Variants in CEP152 observed in about 807,000 individuals in gnomAD.
CEP152 encodes centrosomal protein of 152 kDa.
In CEP152, 132 loss-of-function variants were observed where a neutral mutation model predicts 188.9. The ratio of observed to expected loss-of-function variants is 0.70; its 90% CI spans 0.61 to 0.81. The LOEUF (loss-of-function observed/expected upper bound fraction) is 0.81. Among genes scored for constraint, CEP152 ranks in the 30% least tolerant of loss-of-function variants. The probability of loss-of-function intolerance (pLI) is 0.00; values close to 1 mark genes in which losing one functional copy is unlikely to be tolerated. For synonymous variants in CEP152, 649 were observed against 666.6 expected, an observed-to-expected ratio of 0.97 and a Z score of 0.41; for missense variants, 1,914 against 1,969.8, an observed-to-expected ratio of 0.97 and a Z score of 0.54.
chr15:48,749,486 T>G (rs1435110370), intron 21 of CEP152, among the ~76,000 whole-genome samples: 1 of 151,716 alleles, frequency 6.6e-6, no homozygotes, highest in Non-Finnish European at 1.5e-5. Context: ...AAAAAAACAG[T>G]AATTATATAG....
chr15:48,765,542 G>A, intron 17 of CEP152: 1 of 404,990 alleles, frequency 2.5e-6, no homozygotes, highest in South Asian at 1.8e-5. Flanking sequence ...CATTATATGA[G>A]ATCATATTTT....
intron 1 of CEP152, chr15:48,810,392 C>G (rs1898251932): frequency 6.6e-6 from 1 of 152,258 alleles, no homozygotes; most frequent in Non-Finnish European, 1.5e-5. Flanking sequence ...GACATATAAA[C>G]AAATGATCAC....
At chr15:48,769,900 T>C (rs1197031234) in intron 13 of CEP152, among the ~76,000 whole-genome samples, 1 of 152,228 alleles carries the variant, frequency 6.6e-6, no homozygotes, top group Non-Finnish European at 1.5e-5. Flanking sequence ...CCCATCTCTC[T>C]TTGCCTCCAA....
At chr15:48,797,764 T>C (rs1897401638) in intron 3 of CEP152, 34 bp from the exon 4 acceptor site, 1 of 1,606,702 alleles carries the variant, frequency 6.2e-7, no homozygotes. Context: ...ATTTAAAGCG[T>C]ATCATTTATT....
chr15:48,793,177 G>C (rs1410513797), intron 7 of CEP152, 144 bp downstream of exon 7: 24 of 882,028 alleles, frequency 2.7e-5, no homozygotes, highest in Non-Finnish European at 4.0e-5. Flanking sequence ...CAGAAATCCT[G>C]GGTTTTGTTT....
chr15:48,737,503 G>A (rs1359195051), downstream of CEP152, among the ~76,000 whole-genome samples: 4 of 152,024 alleles, frequency 2.6e-5, no homozygotes, highest in East Asian at 1.9e-4. Context: ...AAATCTAATC[G>A]TTTTACATTT....
intron 6 of CEP152, 70 bp from the exon 7 acceptor site, chr15:48,793,531 G>T (rs950514125): frequency 1.1e-5 from 16 of 1,416,816 alleles, no homozygotes; most frequent in South Asian, 3.6e-5. Flanking sequence ...TTAAAGCAGT[G>T]TTTTTCAAAC....
chr15:48,781,879 C>T (rs921058550), intron 11 of CEP152, among the ~76,000 whole-genome samples: 1 of 152,114 alleles, frequency 6.6e-6, no homozygotes, highest in East Asian at 1.9e-4. Context: ...CTCTGGGATA[C>T]ACCCAAAGAT....
chr15:48,786,984 C>T (rs1896680981), intron 9 of CEP152, among the ~76,000 whole-genome samples: 1 of 152,022 alleles, frequency 6.6e-6, no homozygotes, highest in Admixed American at 6.5e-5. Context: ...CACCAGGATC[C>T]ACTCTTCTCC....
rs114031523 is a variant in CEP152 at position 48,791,830 on chromosome 15, T to G, written c.833-454A>C. On this transcript the variant is annotated intron_variant, in intron 7 of 26. Transcript: ENST00000380950. ...CCTCACCCAGCCCCAAATAAATAAA[T>G]TATTAAAAATTAAAAATTAAAAAAA... is the stretch of plus-strand genomic sequence containing the variant. Among the ~76,000 whole-genome samples, 757 of 151,316 alleles carry G rather than the reference T, an allele frequency of 5.0e-3. 13 individuals carry two copies. Among genetic ancestry groups the G allele is most frequent in the African/African-American group, 0.018 (728 of 41,268 alleles).
chr15:48,789,843 C>G (rs1896895651), intron 8 of CEP152, among the ~76,000 whole-genome samples: 1 of 152,168 alleles, frequency 6.6e-6, no homozygotes, highest in African/African-American at 2.4e-5. Context: ...TTGTTGACAC[C>G]CTGATTTTAG....
chr15:48,793,158 G>A (rs1897092014), intron 7 of CEP152, among the ~76,000 whole-genome samples, 163 bp downstream of exon 7: 1 of 152,078 alleles, frequency 6.6e-6, no homozygotes, highest in Admixed American at 6.6e-5. Flanking sequence ...GTAATCCAAG[G>A]CCAACACTCA....
At chr15:48,771,632 T>C (rs1396220118) in intron 13 of CEP152, among the ~76,000 whole-genome samples, 2 of 152,232 alleles carry the variant, frequency 1.3e-5, no homozygotes, top group African/African-American at 4.8e-5. Context: ...TCTCATTTAC[T>C]AGGTGCCAAG....
rs1893932226 is a variant in CEP152 at position 48,752,348 on chromosome 15, C to G, written c.3466+1G>C. ...GACTGGTGGGAACAAAATCCAATTA[C>G]CAGCTTCTGCTTCTGTTGCTTGTAA... On this transcript the variant is annotated splice_donor_variant, in intron 21 of 26. Coordinates refer to ENST00000380950, the MANE Select transcript of CEP152 (RefSeq NM_001194998.2). LOFTEE classifies it high-confidence loss of function. 1 of 1,613,942 alleles carries G rather than the reference C, an allele frequency of 6.2e-7. No individual in the cohort carries two copies. Among genetic ancestry groups the G allele is most frequent in the Non-Finnish European group, 8.5e-7 (1 of 1,180,022 alleles).
chr15:48,793,187 T>C, intron 7 of CEP152, 134 bp downstream of exon 7: 2 of 987,280 alleles, frequency 2.0e-6, no homozygotes, highest in South Asian at 2.8e-5. Flanking sequence ...GGGTTTTGTT[T>C]TGCTATGCCT....
chr15:48,738,793 C>T lies in CEP152; in HGVS notation c.4589G>A (p.Arg1530Lys), dbSNP rs772707697. ...GCATTTATATACTTTTAAACCAAGT[C>T]TTTCATTAGAATCGCGAAAGGTTAT... The part of the protein sequence containing the change: ...MHITFRDSNE[R>K]LGLKVYKCNP... The change falls in exon 27 of 27, where the codon AGA becomes AAA. Residue 1530 changes from arginine to lysine, a missense_variant. By Grantham distance (26) the Arg-to-Lys change is conservative (BLOSUM62 2). Transcript: ENST00000380950. 1.2e-6 allele frequency: 2 copies of T among 1,614,152 alleles called. No homozygotes were observed. The highest frequency in any genetic ancestry group is 3.3e-5 in the Admixed American group (2 of 60,026).
chr15:48,742,644 A>G (rs1250484519), intron 24 of CEP152, among the ~76,000 whole-genome samples: 1 of 152,090 alleles, frequency 6.6e-6, no homozygotes, highest in African/African-American at 2.4e-5. Flanking sequence ...TAAATATAAT[A>G]TTACAATTCA....
downstream of CEP152, chr15:48,737,937 C>T (rs1892684421): frequency 8.5e-6 from 2 of 235,452 alleles, no homozygotes; most frequent in African/African-American, 4.5e-5. Context: ...CATAACAATT[C>T]TACAGACCAT....
chr15:48,730,976 A>G (rs1892402326), intron 2 of CEP152, among the ~76,000 whole-genome samples: 1 of 152,266 alleles, frequency 6.6e-6, no homozygotes, highest in Non-Finnish European at 1.5e-5. Context: ...AGTCTGATTT[A>G]TATCAAAGAA....
Sources: gnomAD v4.1 joint callset for allele counts (sites outside exome capture counted in the v4.1 genomes callset) on GRCh38, gnomAD v4.1.1 for gene constraint, MANE v1.5 for transcripts, NCBI Gene and HGNC (gene_info 2026-07-23, HGNC 2026-07-21) for gene names.